Variants in EML1 observed in about 807,000 individuals in gnomAD.
EML1 encodes the protein EMAP like 1.
EML1 carries 27 observed loss-of-function variants against 110.4 expected under a neutral mutation model. That is an observed-to-expected ratio of 0.24 (90% CI 0.18 to 0.34). The LOEUF (loss-of-function observed/expected upper bound fraction) is 0.34, where lower values mean the gene tolerates loss of function less well. EML1 is among the 10% of genes least tolerant of loss of function. The pLI, the probability that EML1 is intolerant of heterozygous loss-of-function variation, is 1.00. For missense variants in EML1, 741 were observed against 1,030.9 expected, an observed-to-expected ratio of 0.72 and a Z score of 3.85; for synonymous variants, 344 against 385.8, an observed-to-expected ratio of 0.89 and a Z score of 1.27.
intron 2 of EML1, among the ~76,000 whole-genome samples, chr14:99,863,171 C>T (rs2059030481): frequency 6.6e-6 from 1 of 152,186 alleles, no homozygotes; most frequent in Non-Finnish European, 1.5e-5. Flanking sequence ...TGTTAGCCTC[C>T]ACCTTTGTGG....
chr14:99,804,678 G>A (rs2057939571), intron 1 of EML1, among the ~76,000 whole-genome samples: 2 of 152,190 alleles, frequency 1.3e-5, no homozygotes, highest in Admixed American at 1.3e-4. Flanking sequence ...GCCCTTGCCT[G>A]TAGGAGAGGC....
Position 99,826,105 on chromosome 14 carries a change from A to ATTTTTTTTTTT in EML1, c.68-24733_68-24723dup, listed in dbSNP as rs71113225. ...ATTTAAAGTCTGCTTCTGTGCATTG[A>ATTTTTTTTTTT]TTTTTTTTTTTTTTTTTTTTTTTTT... is the stretch of plus-strand genomic sequence containing the variant. On this transcript the variant is annotated intron_variant, in intron 1 of 21. Coordinates refer to ENST00000262233, the MANE Select transcript of EML1 (RefSeq NM_004434.3). 5.0e-5 allele frequency among the ~76,000 whole-genome samples: 4 copies of ATTTTTTTTTTT among 79,962 alleles called. 1 individual carries two copies. The highest frequency in any genetic ancestry group is 1.5e-4 in the African/African-American group (3 of 19,616). 52.5% of individuals were successfully genotyped at this position (79,962 alleles called of 152,430 possible). A position where few individuals can be genotyped will look rare whatever the true frequency, so the allele number is the denominator to read the frequency against.
At chr14:99,926,283 G>GT (rs145719667) in intron 17 of EML1, among the ~76,000 whole-genome samples, 38,070 of 130,222 alleles carry the variant, frequency 0.29, 6,127 homozygotes, top group Non-Finnish European at 0.4. Context: ...TGTTTTTTGG[G>GT]GTTTTTTTTT....
Position 99,910,231 on chromosome 14 carries a change from A to G in EML1, c.1240-11A>G. ...TAAATATATATATAATTTTTTTACT[A>G]CATTCTACAGAAACAAGAAAAGCCA... is the stretch of plus-strand genomic sequence containing the variant. On this transcript the variant is annotated splice_polypyrimidine_tract_variant and intron_variant, in intron 11 of 21. Transcript: ENST00000262233. 1.9e-6 allele frequency: 3 copies of G among 1,584,214 alleles called. No homozygotes were observed. The highest frequency in any genetic ancestry group is 1.7e-6 in the Non-Finnish European group (2 of 1,162,740).
chr14:99,894,437 A>G, intron 5 of EML1, 192 bp from the exon 6 acceptor site: 1 of 598,618 alleles, frequency 1.7e-6, no homozygotes, highest in South Asian at 5.4e-5. Flanking sequence ...CAGAATATCA[A>G]AAGCAAACAA....
chr14:99,763,977 C>T (rs1332936377), intron 1 of EML1, among the ~76,000 whole-genome samples: 2 of 152,120 alleles, frequency 1.3e-5, no homozygotes, highest in African/African-American at 2.4e-5. Context: ...TGTGTTGGGG[C>T]CGCCCTTTTC....
rs1210537402 is a variant in EML1 at position 99,941,534 on chromosome 14, G to T, written c.*1422G>T. 1 of 152,196 alleles carries T rather than the reference G, an allele frequency of 6.6e-6. No homozygotes were observed. The highest frequency in any genetic ancestry group is 2.4e-5 in the African/African-American group (1 of 41,466). 9.4% of individuals were successfully genotyped at this position (152,196 alleles called of 1,614,324 possible). ...TCTATAATGAAATAAAATCTGAAAA[G>T]TGGATTTCTTATTGACCTATATTCA... On this transcript the variant is annotated 3_prime_UTR_variant, in exon 22 of 22. Coordinates refer to ENST00000262233, the MANE Select transcript of EML1 (RefSeq NM_004434.3).
chr14:99,934,572 G>A (rs867702254), intron 17 of EML1, among the ~76,000 whole-genome samples: 8 of 152,358 alleles, frequency 5.3e-5, no homozygotes, highest in Admixed American at 1.3e-4. Context: ...GCAAGGCCCT[G>A]TACAAATATT....
At chr14:99,860,057 A>G (rs1408012637) in intron 2 of EML1, among the ~76,000 whole-genome samples, 2 of 152,114 alleles carry the variant, frequency 1.3e-5, no homozygotes, top group African/African-American at 4.8e-5. Context: ...CTTCCAGCTC[A>G]GCTGAGGATG....
intron 9 of EML1, among the ~76,000 whole-genome samples, chr14:99,903,798 T>G (rs1381622814): frequency 2.6e-5 from 4 of 151,404 alleles, no homozygotes; most frequent in African/African-American, 9.7e-5. Flanking sequence ...TTTTTTTTTT[T>G]TTTGAGACAG....
chr14:99,802,676 T>C (rs1458683940), intron 1 of EML1, among the ~76,000 whole-genome samples: 1 of 151,834 alleles, frequency 6.6e-6, no homozygotes, highest in African/African-American at 2.4e-5. Context: ...GGAGGTGGTT[T>C]GGGCTTGTGG....
chr14:99,790,912 C>T (rs1422362924), upstream of EML1, among the ~76,000 whole-genome samples: 2 of 142,820 alleles, frequency 1.4e-5, no homozygotes, highest in Non-Finnish European at 3.0e-5. Context: ...GGCTGGAGTG[C>T]AGTGGTGTGA....
At position 99,926,599 on chromosome 14, in the gene EML1, T is replaced by A. The variant is rs965611095; in HGVS notation, c.1909+5722T>A. The stretch of plus-strand genomic sequence containing the variant: ...TGCCCCTGGCAGCTCTTATTTTTTT[T>A]AATGACTGTTTTTTATTGTTAGAGA... On this transcript the variant is annotated intron_variant, in intron 17 of 21. Coordinates refer to ENST00000262233, the MANE Select transcript of EML1 (RefSeq NM_004434.3). Among the ~76,000 whole-genome samples the A allele has an allele frequency of 9.3e-4, 142 of 152,080 alleles. 1 individual carries two copies. Among genetic ancestry groups the A allele is most frequent in the African/African-American group, 3.2e-3 (133 of 41,456 alleles).
At position 99,850,835 on chromosome 14, in the gene EML1, A is replaced by G. The variant is rs2058784369; in HGVS notation, c.68-18A>G. The G allele has an allele frequency of 6.2e-7, 1 of 1,608,718 alleles. No homozygotes were observed. Among genetic ancestry groups the G allele is most frequent in the Non-Finnish European group, 8.5e-7 (1 of 1,175,882 alleles). The stretch of plus-strand genomic sequence containing the variant: ...CCGGGGAACACTTAAAGCTCACTTG[A>G]TCCTTTCTTTGGTTTAGATGACAGC... On this transcript the variant is annotated intron_variant, in intron 1 of 21. Transcript: ENST00000262233.
intron 4 of EML1, chr14:99,885,965 T>G: frequency 2.2e-6 from 1 of 445,850 alleles, no homozygotes. Context: ...CCTTCCACCA[T>G]GTTAAGCTGG....
chr14:99,793,587 G>A (rs2057710243), intron 1 of EML1, 44 bp downstream of exon 1: 1 of 994,900 alleles, frequency 1.0e-6, no homozygotes, highest in African/African-American at 1.8e-5. Flanking sequence ...GCGGCTGGTG[G>A]CGGGCGGCGG....
chr14:99,775,967 A>G (rs1269833053), intron 1 of EML1, among the ~76,000 whole-genome samples: 2 of 152,214 alleles, frequency 1.3e-5, no homozygotes, highest in Admixed American at 1.3e-4. Flanking sequence ...TTCATGATAC[A>G]GTTTATGTTT....
At position 99,742,398 on chromosome 14, in the gene EML1, T is replaced by A. The variant is rs139074617; in HGVS notation, c.28+4538T>A. On this transcript the variant is annotated intron_variant, in intron 1 of 10. Coordinates refer to the EML1 transcript ENST00000554479. ...TGGAGCTGGGGATGGAGAAGGTACA[T>A]GGCTTGCTTCAGTGCAGTGGGTGGA... Among the ~76,000 whole-genome samples the A allele has an allele frequency of 2.6e-4, 39 of 152,216 alleles. No individual in the cohort carries two copies. The East Asian group carries it at 6.6e-3, about 26-fold the overall frequency.
intron 1 of EML1, among the ~76,000 whole-genome samples, chr14:99,822,155 T>A (rs2058274859): frequency 6.6e-6 from 1 of 152,248 alleles, no homozygotes; most frequent in African/African-American, 2.4e-5. Flanking sequence ...GCAGGTTGCA[T>A]GTATCTTCAA....
Sources: allele counts gnomAD v4.1 joint callset (sites outside exome capture counted in the v4.1 genomes callset), GRCh38; gene constraint gnomAD v4.1.1; transcripts MANE v1.5; gene names NCBI Gene and HGNC (gene_info 2026-07-23, HGNC 2026-07-21).